Variants in DCDC2 observed in about 807,000 individuals in gnomAD.
The protein encoded by DCDC2 is doublecortin domain containing 2, also known as doublecortin domain-containing protein 2.
A neutral mutation model predicts 50.2 loss-of-function variants in DCDC2; 40 were observed. That is an observed-to-expected ratio of 0.80 (90% CI 0.62 to 1.04). The LOEUF (loss-of-function observed/expected upper bound fraction) is 1.04, where lower values mean the gene tolerates loss of function less well. Among genes scored for constraint, DCDC2 ranks in the 50% least tolerant of loss-of-function variants. The pLI, the probability that DCDC2 is intolerant of heterozygous loss-of-function variation, is 0.00. For synonymous variants in DCDC2, 234 were observed against 210.6 expected (o/e 1.11, Z -0.96); for missense variants, 570 against 581.9 (o/e 0.98, Z 0.21).
chr6:24,248,611 T>C (rs1416814972), intron 7 of DCDC2, among the ~76,000 whole-genome samples: 5 of 152,094 alleles, frequency 3.3e-5, no homozygotes, highest in African/African-American at 1.2e-4. Flanking sequence ...GTAAGACCTT[T>C]GGAATAGTAA....
chr6:24,248,061 A>C (rs1762722437), intron 7 of DCDC2, among the ~76,000 whole-genome samples: 1 of 152,188 alleles, frequency 6.6e-6, no homozygotes, highest in African/African-American at 2.4e-5. Flanking sequence ...GGGCAACAAG[A>C]ACAAAACTCC....
chr6:24,368,257 A>G, the DCDC2 span, among the ~76,000 whole-genome samples: 1 of 152,190 alleles, frequency 6.6e-6, no homozygotes, highest in Non-Finnish European at 1.5e-5. Context: ...TCAAAATTCC[A>G]GAAGGAGACA....
intron 1 of DCDC2, chr6:24,357,047 T>A (rs1197017943): frequency 6.2e-6 from 1 of 162,180 alleles, no homozygotes. Flanking sequence ...GACAATATAG[T>A]GTCCAACACT....
chr6:24,337,651 A>G (rs908154506), intron 2 of DCDC2, among the ~76,000 whole-genome samples: 2 of 152,052 alleles, frequency 1.3e-5, no homozygotes, highest in Non-Finnish European at 2.9e-5. Context: ...TAAAAAAATT[A>G]GCTGGGTGTG....
Position 24,266,648 on chromosome 6 carries a change from G to A in DCDC2, c.922+11401C>T, listed in dbSNP as rs148438390. On this transcript the variant is annotated intron_variant, in intron 7 of 9. Transcript: ENST00000378454. ...TCATCTCAACCCAGTTATTTTATTC[G>A]GAAGACAGACAATAAGGGATGCTGG... Among the ~76,000 whole-genome samples the A allele has an allele frequency of 5.9e-5, 9 of 152,116 alleles. No individual in the cohort carries two copies. In the East Asian group the frequency reaches 7.7e-4, roughly 13 times the overall value.
At chr6:24,334,210 T>TA (rs1243352457) in intron 2 of DCDC2, among the ~76,000 whole-genome samples, 2 of 152,176 alleles carry the variant, frequency 1.3e-5, no homozygotes, top group Admixed American at 1.3e-4. Context: ...AGGTTGTACA[T>TA]AGAGAGTCAA....
chr6:24,291,705 T>C (rs1204044053), intron 4 of DCDC2, among the ~76,000 whole-genome samples: 6 of 151,952 alleles, frequency 3.9e-5, no homozygotes, highest in African/African-American at 1.2e-4. Flanking sequence ...CGGGATGGTC[T>C]CGATCTCCTG....
intron 4 of DCDC2, among the ~76,000 whole-genome samples, chr6:24,299,047 T>C (rs1053367672): frequency 1.3e-5 from 2 of 152,234 alleles, no homozygotes; most frequent in African/African-American, 4.8e-5. Flanking sequence ...GTACGTTCAC[T>C]GCCGTGCTAT....
rs372803772 is a variant in DCDC2, at chr6:24,356,682, A to G, written c.293+776T>C. Among the ~76,000 whole-genome samples, 10 of 152,318 alleles carry G rather than the reference A, an allele frequency of 6.6e-5. No homozygotes were observed. The East Asian group carries it at 1.2e-3, about 18-fold the overall frequency. ...ATATCCCTTTGTAGCTTGCATTAAAATTGTTAGTGTGCAGGTAGTCCAGTT... is the reference window on the plus strand; with the variant it reads ...ATATCCCTTTGTAGCTTGCATTAAAGTTGTTAGTGTGCAGGTAGTCCAGTT... On this transcript the variant is annotated intron_variant, in intron 1 of 9. Coordinates refer to ENST00000378454, the MANE Select transcript of DCDC2 (RefSeq NM_016356.5).
chr6:24,342,464 C>G (rs1005866963), intron 2 of DCDC2, among the ~76,000 whole-genome samples: 1 of 152,188 alleles, frequency 6.6e-6, no homozygotes, highest in Non-Finnish European at 1.5e-5. Context: ...GCCACTTCTC[C>G]GTGGAGTGTG....
At chr6:24,380,129 T>A in the DCDC2 span, among the ~76,000 whole-genome samples, 1 of 152,062 alleles carries the variant, frequency 6.6e-6, no homozygotes, top group African/African-American at 2.4e-5. Context: ...ACATGGCACA[T>A]GTATACCTAT....
chr6:24,256,105 A>T (rs73394053), intron 7 of DCDC2, among the ~76,000 whole-genome samples: 4,601 of 152,278 alleles, frequency 0.03, 199 homozygotes, highest in African/African-American at 0.1. Context: ...AATAACTTCC[A>T]GTAAAAGAAA....
At chr6:24,347,720 C>T (rs1465189177) in intron 2 of DCDC2, among the ~76,000 whole-genome samples, 1 of 152,090 alleles carries the variant, frequency 6.6e-6, no homozygotes, top group African/African-American at 2.4e-5. Context: ...CTACTTGTTG[C>T]ATGAATAGCA....
intron 7 of DCDC2, among the ~76,000 whole-genome samples, chr6:24,256,499 T>C (rs1762900560): frequency 6.6e-6 from 1 of 152,128 alleles, no homozygotes; most frequent in Non-Finnish European, 1.5e-5. Context: ...CCCTGTTGCG[T>C]GTGTGTGTGT....
At chr6:24,258,841 A>G (rs998072888) in intron 7 of DCDC2, among the ~76,000 whole-genome samples, 8 of 152,164 alleles carry the variant, frequency 5.3e-5, no homozygotes, top group Non-Finnish European at 1.2e-4. Context: ...AGCTGTACCA[A>G]TCAATAGGAG....
intron 4 of DCDC2, among the ~76,000 whole-genome samples, chr6:24,297,755 A>C (rs1186293086): frequency 3.3e-5 from 5 of 152,226 alleles, no homozygotes; most frequent in Non-Finnish European, 7.3e-5. Context: ...ACACCAAAAT[A>C]AAATCCAACA....
rs953462516 is a variant in DCDC2, at chr6:24,173,877, T to A, written c.*853A>T. On this transcript the variant is annotated 3_prime_UTR_variant, in exon 10 of 10. Coordinates refer to ENST00000378454, the MANE Select transcript of DCDC2 (RefSeq NM_016356.5). The stretch of plus-strand genomic sequence containing the variant: ...TTTGTTGAAAACTATTTGAAAATAA[T>A]TTAATCTTTGGAATAGCCAATATCA... 2 of 152,240 alleles carry A rather than the reference T, an allele frequency of 1.3e-5. No individual in the cohort carries two copies. The highest frequency in any genetic ancestry group is 3.8e-4 in the East Asian group (2 of 5,206). 9.4% of individuals were successfully genotyped at this position (152,240 alleles called of 1,614,324 possible). A position where few individuals can be genotyped will look rare whatever the true frequency, so the allele number is the denominator to read the frequency against.
chr6:24,188,792 C>T (rs1761256296), intron 8 of DCDC2, among the ~76,000 whole-genome samples: 1 of 152,044 alleles, frequency 6.6e-6, no homozygotes. Context: ...ATTCATTATA[C>T]TCTATCTTAA....
intron 4 of DCDC2, among the ~76,000 whole-genome samples, chr6:24,296,209 A>G (rs1414555525): frequency 6.6e-6 from 1 of 152,224 alleles, no homozygotes; most frequent in Non-Finnish European, 1.5e-5. Context: ...CAAAACTAAC[A>G]AAAACAAGCA....
Sources: allele counts gnomAD v4.1 joint callset (sites outside exome capture counted in the v4.1 genomes callset), GRCh38; gene constraint gnomAD v4.1.1; transcripts MANE v1.5; gene names NCBI Gene and HGNC (gene_info 2026-07-23, HGNC 2026-07-21).